The following TNIP1 variants were observed in gnomAD, a reference collection of about 807,000 sequenced individuals.
TNIP1 encodes TNFAIP3-interacting protein 1.
Under a neutral mutation model 86.6 loss-of-function variants are expected in TNIP1, and 22 were observed. The observed-to-expected ratio is 0.25, with a 90% CI of 0.18 to 0.36. The LOEUF is 0.36. TNIP1 is among the 10% of genes least tolerant of loss of function. The pLI is 1.00. For synonymous variants in TNIP1, 294 were observed against 313.0 expected (o/e 0.94, Z 0.64); for missense variants, 709 against 820.6 (o/e 0.86, Z 1.66).
intron 1 of TNIP1, among the ~76,000 whole-genome samples, chr5:151,071,847 C>G (rs559518114): frequency 6.6e-6 from 1 of 152,158 alleles, no homozygotes; most frequent in African/African-American, 2.4e-5. Flanking sequence ...AGATTACACA[C>G]CACCCGCTAA....
chr5:151,049,780 A>C, intron 8 of TNIP1, 44 bp downstream of exon 8: 1 of 1,611,422 alleles, frequency 6.2e-7, no homozygotes, highest in East Asian at 2.2e-5. Flanking sequence ...GAGGCTGAGT[A>C]CCTGCAACCA....
chr5:151,077,716 C>T (rs1212557377), intron 1 of TNIP1, among the ~76,000 whole-genome samples: 1 of 152,344 alleles, frequency 6.6e-6, no homozygotes, highest in Admixed American at 6.5e-5. Context: ...AGTTGCAGCC[C>T]AGCAATCTGT....
At chr5:151,057,166 C>T (rs2113622386) in intron 5 of TNIP1, among the ~76,000 whole-genome samples, 1 of 152,386 alleles carries the variant, frequency 6.6e-6, no homozygotes, top group South Asian at 2.1e-4. Flanking sequence ...CTGGTGGCTC[C>T]ACAGCAGCGG....
chr5:151,046,509 C>T (rs548557250), intron 8 of TNIP1: 10 of 152,760 alleles, frequency 6.5e-5, no homozygotes, highest in African/African-American at 2.4e-4. Context: ...AAAGCAGAGA[C>T]ATCCAGCAGC....
intron 1 of TNIP1, among the ~76,000 whole-genome samples, chr5:151,073,273 A>AG: frequency 6.6e-6 from 1 of 152,054 alleles, no homozygotes; most frequent in South Asian, 2.1e-4. Context: ...GAGTTACCTA[A>AG]GGGGGCAGAA....
At chr5:151,058,046 G>A (rs1281188997) in intron 5 of TNIP1, among the ~76,000 whole-genome samples, 1 of 152,150 alleles carries the variant, frequency 6.6e-6, no homozygotes, top group Non-Finnish European at 1.5e-5. Flanking sequence ...TCAGGCTCCT[G>A]AGGAGCTGGG....
intron 1 of TNIP1, among the ~76,000 whole-genome samples, chr5:151,072,089 T>C (rs3792785): frequency 0.13 from 19,481 of 152,200 alleles, 1,302 homozygotes; most frequent in African/African-American, 0.18. Flanking sequence ...TCAGAGAAGT[T>C]AAGTCATTTG....
chr5:151,030,688 T>TG lies in TNIP1; in HGVS notation c.*24dup. The TG allele has an allele frequency of 2.5e-6, 4 of 1,614,084 alleles. No individual in the cohort carries two copies. Among genetic ancestry groups the TG allele is most frequent in the Non-Finnish European group, 3.4e-6 (4 of 1,179,978 alleles). ...ATCAGCTGGCTCTGCAAGATGAAGG[T>TG]GGAGCCAAATGACACAATCTGGTCT... On this transcript the variant is annotated 3_prime_UTR_variant, in exon 18 of 18. Transcript: ENST00000521591.
intron 15 of TNIP1, chr5:151,034,384 AACATGGGCACAGAAGGCTGGT>A: frequency 5.1e-6 from 1 of 195,096 alleles, no homozygotes. Flanking sequence ...GGAAGGCTAG[AACATGGGCACAGAAGGCTGGT>A]ACATGGGCAC....
At chr5:151,064,357 T>C (rs539727059) in intron 2 of TNIP1, among the ~76,000 whole-genome samples, 42 of 151,334 alleles carry the variant, frequency 2.8e-4, no homozygotes, top group Admixed American at 7.2e-4. Flanking sequence ...GTTTCAGGAG[T>C]GTGGAAGAAA....
At chr5:151,040,028 G>T (rs756691549) in intron 11 of TNIP1, among the ~76,000 whole-genome samples, 2 of 152,166 alleles carry the variant, frequency 1.3e-5, no homozygotes, top group African/African-American at 2.4e-5. Flanking sequence ...CGTACCCAAG[G>T]CCACACAGTG....
chr5:151,039,381 T>A (rs1758128182), intron 11 of TNIP1, among the ~76,000 whole-genome samples, 156 bp from the exon 12 acceptor site: 1 of 152,070 alleles, frequency 6.6e-6, no homozygotes, highest in African/African-American at 2.4e-5. Flanking sequence ...GTAATGTCCA[T>A]CCGGTCCTGC....
chr5:151,084,713 A>G (rs1764215500), upstream of TNIP1, among the ~76,000 whole-genome samples: 1 of 152,162 alleles, frequency 6.6e-6, no homozygotes, highest in Admixed American at 6.5e-5. Context: ...TGGCTAGGGG[A>G]GAATGGAACT....
At chr5:151,077,810 A>G (rs969271602) in intron 1 of TNIP1, among the ~76,000 whole-genome samples, 13 of 152,176 alleles carry the variant, frequency 8.5e-5, no homozygotes, top group African/African-American at 2.9e-4. Context: ...CCATTTCCCA[A>G]TGCTGCTAAG....
chr5:151,048,320 ACT>A (rs896295337), intron 8 of TNIP1, among the ~76,000 whole-genome samples: 1 of 152,190 alleles, frequency 6.6e-6, no homozygotes, highest in African/African-American at 2.4e-5. Flanking sequence ...GCTAACGTTC[ACT>A]GTTTACGACG....
chr5:151,065,028 G>A lies in TNIP1; in HGVS notation c.68C>T (p.Ala23Val). Residue 23 changes from alanine to valine, a missense_variant, in exon 2 of 18, where the codon GCA becomes GTA. Transcript: ENST00000521591. The stretch of plus-strand genomic sequence containing the variant: ...CTCCTTCACTAGGCGCTCAAAAGCT[G>A]CGGATGCCTCTCCTGAGGGCACGCT... ...GGSVPSGEAS[A>V]AFERLVKENS... 6.2e-7 allele frequency: 1 copy of A among 1,614,206 alleles called. No homozygotes were observed. Among genetic ancestry groups the A allele is most frequent in the African/African-American group, 1.3e-5 (1 of 75,064 alleles).
chr5:151,034,692 C>T (rs758678398), intron 15 of TNIP1: 4 of 388,466 alleles, frequency 1.0e-5, no homozygotes, highest in Admixed American at 4.1e-5. Context: ...TACATGGGCA[C>T]GGAGGGCTGG....
intron 1 of TNIP1, among the ~76,000 whole-genome samples, chr5:151,079,355 G>A (rs1287140445): frequency 2.0e-5 from 3 of 152,160 alleles, no homozygotes; most frequent in African/African-American, 4.8e-5. Context: ...CGGGCGGGGC[G>A]GCTCACACCT....
At chr5:151,049,781 C>T in intron 8 of TNIP1, 43 bp downstream of exon 8, 3 of 1,611,780 alleles carry the variant, frequency 1.9e-6, no homozygotes, top group East Asian at 2.2e-5. Flanking sequence ...AGGCTGAGTA[C>T]CTGCAACCAA....
Sources: gnomAD v4.1 joint callset for allele counts (sites outside exome capture counted in the v4.1 genomes callset) on GRCh38, gnomAD v4.1.1 for gene constraint, MANE v1.5 for transcripts, NCBI Gene and HGNC (gene_info 2026-07-23, HGNC 2026-07-21) for gene names.